Variants in DOP1B observed in about 807,000 individuals in gnomAD.
The protein encoded by DOP1B is DOP1 leucine zipper like protein B, also known as protein DOP1B.
In DOP1B, 174 loss-of-function variants were observed where a neutral mutation model predicts 233.5. That is an observed-to-expected ratio of 0.75 (90% confidence interval 0.66 to 0.85). DOP1B has a LOEUF of 0.85. Among genes scored for constraint, DOP1B ranks in the 40% least tolerant of loss-of-function variants. The probability of loss-of-function intolerance (pLI) is 0.00; values close to 1 mark genes in which losing one functional copy is unlikely to be tolerated. For synonymous variants in DOP1B, 1,190 were observed against 1,185.6 expected, an observed-to-expected ratio of 1.00 and a Z score of -0.08; for missense variants, 2,652 against 2,846.6, an observed-to-expected ratio of 0.93 and a Z score of 1.56.
At chr21:36,253,620 A>C (rs2067056084) in intron 22 of DOP1B, 152 bp from the exon 23 acceptor site, 15 of 905,982 alleles carry the variant, frequency 1.7e-5, no homozygotes, top group Non-Finnish European at 2.4e-5. Flanking sequence ...CCTGGGTGAC[A>C]GAGTGAGACC....
intron 28 of DOP1B, 137 bp downstream of exon 28, chr21:36,277,237 T>C: frequency 1.2e-6 from 1 of 805,124 alleles, no homozygotes; most frequent in Middle Eastern, 2.4e-4. Flanking sequence ...CAGGCAGCAT[T>C]GGCCTCAAGC....
chr21:36,286,676 AACTG>A (rs771565728), intron 32 of DOP1B, among the ~76,000 whole-genome samples: 21 of 136,428 alleles, frequency 1.5e-4, no homozygotes, highest in Non-Finnish European at 3.2e-4. Flanking sequence ...ACACACACAA[AACTG>A]ACTGAGCATG....
intron 6 of DOP1B, 94 bp downstream of exon 6, chr21:36,211,745 C>G: frequency 7.2e-7 from 1 of 1,390,738 alleles, no homozygotes; most frequent in Non-Finnish European, 1.0e-6. Context: ...GACAGCTCAG[C>G]CACTCATGGG....
intron 26 of DOP1B, among the ~76,000 whole-genome samples, chr21:36,265,582 A>C (rs1248168166): frequency 6.6e-6 from 1 of 152,148 alleles, no homozygotes; most frequent in Non-Finnish European, 1.5e-5. Flanking sequence ...TGCCTGTAGC[A>C]GGCCCCTCTG....
intron 2 of DOP1B, among the ~76,000 whole-genome samples, chr21:36,167,031 A>G (rs1286222959): frequency 6.6e-6 from 1 of 152,206 alleles, no homozygotes; most frequent in African/African-American, 2.4e-5. Context: ...TGCAGATTGC[A>G]TTCGCAGACT....
chr21:36,216,800 G>A (rs1047153347), intron 9 of DOP1B, among the ~76,000 whole-genome samples: 1 of 152,202 alleles, frequency 6.6e-6, no homozygotes. Context: ...GGGCTGGCCG[G>A]GTGTGGTGGC....
rs563066977 is a variant in DOP1B, at chr21:36,227,211, AAAATAAAT to A, written c.1474-459_1474-452del. Among the ~76,000 whole-genome samples, 3 of 150,464 alleles carry A rather than the reference AAAATAAAT, an allele frequency of 2.0e-5. No homozygotes were observed. In the East Asian group the frequency reaches 5.9e-4, roughly 30 times the overall value. Reference sequence around the variant, plus strand: ...TGACAGAGTGAGACTTCATCTCAAAAAAATAAATAAATAAATAAATAAAATAAAATAAA... The same window carrying A: ...TGACAGAGTGAGACTTCATCTCAAAAAAATAAATAAATAAAATAAAATAAA... On this transcript the variant is annotated intron_variant, in intron 12 of 36. Coordinates refer to ENST00000691173, the MANE Select transcript of DOP1B (RefSeq NM_001320714.2).
intron 18 of DOP1B, 44 bp downstream of exon 18, chr21:36,239,999 G>A (rs370007317): frequency 1.3e-6 from 2 of 1,560,688 alleles, no homozygotes; most frequent in East Asian, 2.3e-5. Flanking sequence ...AGGAATGGGT[G>A]GGGGGACTGG....
chr21:36,230,346 G>C (rs2066745289), intron 13 of DOP1B, 104 bp from the exon 14 acceptor site: 1 of 1,332,696 alleles, frequency 7.5e-7, no homozygotes, highest in South Asian at 1.5e-5. Context: ...TCTGGAGAGT[G>C]ATGATTTTGA....
At position 36,204,658 on chromosome 21, in the gene DOP1B, A is replaced by ATTTT. The variant is rs56725433; in HGVS notation, c.492-4044_492-4041dup. On this transcript the variant is annotated intron_variant, in intron 4 of 36. Coordinates refer to ENST00000691173, the MANE Select transcript of DOP1B (RefSeq NM_001320714.2). Reference sequence around the variant, plus strand: ...GCCACCCCTTTTGGCTGACATTTCTATTTTTTTTTTTTTTTTGAGACAGTC... The same window carrying ATTTT: ...GCCACCCCTTTTGGCTGACATTTCTATTTTTTTTTTTTTTTTTTTTGAGACAGTC... Among the ~76,000 whole-genome samples the ATTTT allele has an allele frequency of 4.9e-4, 56 of 115,170 alleles. 2 individuals are homozygous for ATTTT. Among genetic ancestry groups the ATTTT allele is most frequent in the Admixed American group, 4.0e-4 (4 of 10,118 alleles). 75.6% of individuals were successfully genotyped at this position (115,170 alleles called of 152,430 possible). A position where few individuals can be genotyped will look rare whatever the true frequency, so the allele number is the denominator to read the frequency against.
intron 21 of DOP1B, 85 bp from the exon 22 acceptor site, chr21:36,251,077 G>A: frequency 6.7e-7 from 1 of 1,492,938 alleles, no homozygotes. Flanking sequence ...CTTGCTCTCG[G>A]TATGGACAGC....
At chr21:36,231,684 T>G (rs1051239537) in intron 14 of DOP1B, among the ~76,000 whole-genome samples, 16 of 150,554 alleles carry the variant, frequency 1.1e-4, no homozygotes, top group African/African-American at 1.7e-4. Context: ...TTTTTGTTTT[T>G]TTTTTTTTTT....
chr21:36,208,904 G>A lies in DOP1B; in HGVS notation c.681G>A (p.Thr227=), dbSNP rs1378907118. The A allele has an allele frequency of 2.6e-6, 4 of 1,529,460 alleles. No individual in the cohort carries two copies. Among genetic ancestry groups the A allele is most frequent in the South Asian group, 1.3e-5 (1 of 78,810 alleles). 94.7% of individuals were successfully genotyped at this position (1,529,460 alleles called of 1,614,324 possible). ...KYMLGTNHQL[T]VKSLRASLLD... ...TGCTGGGGACCAATCACCAACTCAC[G>A]GTGGGTGCTGTGTTCCTCACAGGGC... The change falls in exon 5 of 37, where the codon ACG becomes ACA. Residue 227 remains threonine (T), a splice_region_variant and synonymous_variant. Transcript: ENST00000691173.
At chr21:36,264,537 G>A (rs529437296) in intron 26 of DOP1B, among the ~76,000 whole-genome samples, 2 of 151,438 alleles carry the variant, frequency 1.3e-5, no homozygotes, top group South Asian at 4.2e-4. Context: ...GCAGTGGCAC[G>A]GTCTCAGCTC....
In DOP1B at chr21:36,278,093, A is replaced by G. The variant is rs1179307799; in HGVS notation, c.5822+9A>G. ...TACTTACGCAACCACAGGTAACGTC[A>G]TCTTCGCCATTTCTTCCCACCCATA... On this transcript the variant is annotated intron_variant, in intron 29 of 36. Transcript: ENST00000691173. 3.1e-6 allele frequency: 5 copies of G among 1,613,870 alleles called. No individual in the cohort carries two copies. Among genetic ancestry groups the G allele is most frequent in the Non-Finnish European group, 1.7e-6 (2 of 1,179,780 alleles).
chr21:36,283,287 T>C (rs1254933418), intron 32 of DOP1B, among the ~76,000 whole-genome samples: 1 of 152,094 alleles, frequency 6.6e-6, no homozygotes, highest in African/African-American at 2.4e-5. Flanking sequence ...TTCACCATGT[T>C]GGCCAGGCTG....
At chr21:36,221,824 C>A (rs973797330) in intron 10 of DOP1B, among the ~76,000 whole-genome samples, 1 of 152,044 alleles carries the variant, frequency 6.6e-6, no homozygotes, top group African/African-American at 2.4e-5. Context: ...GATCCACCTG[C>A]TTCAGCCTCC....
At position 36,234,150 on chromosome 21, in the gene DOP1B, G is replaced by A. The variant is rs555998005; in HGVS notation, c.2622+1075G>A. On this transcript the variant is annotated intron_variant, in intron 15 of 36. Coordinates refer to ENST00000691173, the MANE Select transcript of DOP1B (RefSeq NM_001320714.2). ...CAGAATTATAGGTGTGAGCCACCGT[G>A]CCCAGCTGCTTATTGACTTTTGTAC... Among the ~76,000 whole-genome samples the A allele has an allele frequency of 3.9e-5, 6 of 152,178 alleles. No individual in the cohort carries two copies. The South Asian group carries it at 1.2e-3, about 32-fold the overall frequency.
chr21:36,198,356 G>A (rs2066317502), intron 2 of DOP1B, among the ~76,000 whole-genome samples: 1 of 151,856 alleles, frequency 6.6e-6, no homozygotes, highest in Non-Finnish European at 1.5e-5. Context: ...TTGAACCTGG[G>A]AGGCAGAGGT....
Sources: allele counts gnomAD v4.1 joint callset (sites outside exome capture counted in the v4.1 genomes callset), GRCh38; gene constraint gnomAD v4.1.1; transcripts MANE v1.5; gene names NCBI Gene and HGNC (gene_info 2026-07-23, HGNC 2026-07-21).